GREB1L: variants seen among roughly 807,000 people sequenced by gnomAD.
GREB1L encodes GREB1 like retinoic acid receptor coactivator, also known as GREB1-like protein.
A neutral mutation model predicts 200.8 loss-of-function variants in GREB1L; 17 were observed. The ratio of observed to expected loss-of-function variants is 0.08; its 90% CI spans 0.06 to 0.13. The LOEUF (loss-of-function observed/expected upper bound fraction) is 0.13, where lower values mean the gene tolerates loss of function less well. Ranked by LOEUF, GREB1L falls within the 10% of genes least tolerant of loss-of-function variation. The probability of loss-of-function intolerance (pLI) is 1.00; values close to 1 mark genes in which losing one functional copy is unlikely to be tolerated. For synonymous variants in GREB1L, 789 were observed against 893.0 expected (o/e 0.88, Z 2.08); for missense variants, 1,657 against 2,367.7 (o/e 0.70, Z 6.23).
intron 2 of GREB1L, among the ~76,000 whole-genome samples, chr18:21,369,926 G>A (rs1459090036): frequency 6.8e-6 from 1 of 146,534 alleles, no homozygotes. Flanking sequence ...TCCAGTCTGG[G>A]CAGCAGAGCG....
chr18:21,279,191 C>T (rs116265380), intron 1 of GREB1L, among the ~76,000 whole-genome samples: 67 of 151,906 alleles, frequency 4.4e-4, no homozygotes, highest in African/African-American at 1.6e-3. Flanking sequence ...ATCTATAATC[C>T]CACCAACTTC....
At chr18:21,455,232 A>G (rs2034702235) in intron 15 of GREB1L, 1 of 152,394 alleles carries the variant, frequency 6.6e-6, no homozygotes, top group East Asian at 1.9e-4. Flanking sequence ...GAAACTTGAA[A>G]CAGCTGTAAA....
chr18:21,324,138 T>C (rs1354527873), intron 1 of GREB1L, among the ~76,000 whole-genome samples: 1 of 152,202 alleles, frequency 6.6e-6, no homozygotes, highest in Non-Finnish European at 1.5e-5. Flanking sequence ...GATAGAGAAG[T>C]TGTTACTATA....
At chr18:21,314,738 C>T (rs1338653150) in intron 1 of GREB1L, among the ~76,000 whole-genome samples, 1 of 152,124 alleles carries the variant, frequency 6.6e-6, no homozygotes, top group African/African-American at 2.4e-5. Context: ...CTTAACTCTG[C>T]AGTGTTAATG....
chr18:21,388,317 A>G (rs761956119), intron 4 of GREB1L, among the ~76,000 whole-genome samples: 65 of 152,262 alleles, frequency 4.3e-4, no homozygotes, highest in African/African-American at 4.8e-5. Context: ...TACAGTTTCC[A>G]TATATCCCCA....
chr18:21,422,160 A>G (rs951825785), intron 7 of GREB1L, among the ~76,000 whole-genome samples: 1 of 152,184 alleles, frequency 6.6e-6, no homozygotes, highest in Non-Finnish European at 1.5e-5. Context: ...TGAGATGTAG[A>G]TGCTGAGCAA....
At chr18:21,452,404 G>C in intron 14 of GREB1L, 187 bp downstream of exon 14, 1 of 552,328 alleles carries the variant, frequency 1.8e-6, no homozygotes, top group Non-Finnish European at 3.1e-6. Context: ...CAAAGGCTTT[G>C]TTCCTAGTAA....
chr18:21,354,067 G>A (rs566373594), intron 1 of GREB1L, among the ~76,000 whole-genome samples: 37 of 152,232 alleles, frequency 2.4e-4, no homozygotes, highest in Admixed American at 1.8e-3. Flanking sequence ...GGGATTACAG[G>A]TGTGAGCCAC....
chr18:21,490,427 A>C, intron 19 of GREB1L, 76 bp downstream of exon 19: 2 of 1,254,328 alleles, frequency 1.6e-6, no homozygotes, highest in Non-Finnish European at 2.2e-6. Flanking sequence ...TAGGTGGCTC[A>C]GGGGCCTGAG....
At chr18:21,404,514 G>C (rs1396045229) in intron 7 of GREB1L, among the ~76,000 whole-genome samples, 1 of 152,180 alleles carries the variant, frequency 6.6e-6, no homozygotes, top group Non-Finnish European at 1.5e-5. Context: ...TAAAATCTTA[G>C]TGCCTGAAAC....
chr18:21,500,660 G>A lies in GREB1L; in HGVS notation c.4072+18G>A, dbSNP rs1327386327. ...CAACACCGGTGAGTGCTGAGCCCAG[G>A]GAGTGGGCAGAGGGGCAAGAGACAA... On this transcript the variant is annotated intron_variant, in intron 23 of 32. Transcript: ENST00000424526. The A allele has an allele frequency of 6.7e-7, 1 of 1,481,498 alleles. No homozygotes were observed. The highest frequency in any genetic ancestry group is 2.4e-5 in the Admixed American group (1 of 40,976). 91.8% of individuals were successfully genotyped at this position (1,481,498 alleles called of 1,614,324 possible).
At chr18:21,449,365 C>A in intron 11 of GREB1L, 145 bp from the exon 12 acceptor site, 1 of 559,456 alleles carries the variant, frequency 1.8e-6, no homozygotes, top group Non-Finnish European at 3.1e-6. Context: ...GGACTCTATA[C>A]TTGTGACCAC....
chr18:21,332,704 A>G (rs2039123600), intron 1 of GREB1L, among the ~76,000 whole-genome samples: 1 of 151,914 alleles, frequency 6.6e-6, no homozygotes, highest in Non-Finnish European at 1.5e-5. Flanking sequence ...TGAACTCCTG[A>G]CCTCAAGTGA....
At chr18:21,365,666 C>G (rs1295634196) in intron 1 of GREB1L, among the ~76,000 whole-genome samples, 1 of 152,090 alleles carries the variant, frequency 6.6e-6, no homozygotes, top group African/African-American at 2.4e-5. Context: ...AAATTACCTT[C>G]CACTAATTTC....
At chr18:21,382,486 A>G (rs2040359579) in intron 2 of GREB1L, among the ~76,000 whole-genome samples, 1 of 149,892 alleles carries the variant, frequency 6.7e-6, no homozygotes, top group South Asian at 2.1e-4. Flanking sequence ...ATTGTTATAC[A>G]TGGAATTTTT....
In GREB1L at chr18:21,441,447, T is replaced by G; in HGVS notation, c.1117T>G (p.Leu373Val). The G allele has an allele frequency of 3.9e-6, 6 of 1,551,568 alleles. No individual in the cohort carries two copies. Among genetic ancestry groups the G allele is most frequent in the Non-Finnish European group, 5.2e-6 (6 of 1,146,918 alleles). Residue 373 changes from leucine to valine, a missense_variant, in exon 10 of 33, where the codon TTA becomes GTA. Transcript: ENST00000424526. ...PVPQTPLTGI[L>V]QPRPIPAGET... Reference sequence around the variant, plus strand: ...TCCACAGACCCCACTAACTGGAATTTTACAACCCAGGCCCATTCCTGCAGG... The same window carrying G: ...TCCACAGACCCCACTAACTGGAATTGTACAACCCAGGCCCATTCCTGCAGG...
At chr18:21,439,893 T>C (rs541652977) in intron 8 of GREB1L, among the ~76,000 whole-genome samples, 1 of 152,364 alleles carries the variant, frequency 6.6e-6, no homozygotes, top group South Asian at 2.1e-4. Context: ...TTTAGCTGAT[T>C]AAAGTACAGG....
chr18:21,510,774 T>C (rs952009207), intron 27 of GREB1L, among the ~76,000 whole-genome samples: 2 of 152,198 alleles, frequency 1.3e-5, no homozygotes, highest in African/African-American at 4.8e-5. Context: ...CTGTTTTCCA[T>C]AGTGGCTTGC....
intron 1 of GREB1L, among the ~76,000 whole-genome samples, chr18:21,321,343 G>A (rs763855454): frequency 9.9e-5 from 15 of 151,708 alleles, no homozygotes; most frequent in Non-Finnish European, 2.2e-4. Context: ...AGAAACTAAA[G>A]AAATCTTCCA....
Sources: allele counts gnomAD v4.1 joint callset (sites outside exome capture counted in the v4.1 genomes callset), GRCh38; gene constraint gnomAD v4.1.1; transcripts MANE v1.5; gene names NCBI Gene and HGNC (gene_info 2026-07-23, HGNC 2026-07-21).